Variants in MRC1 observed in about 807,000 individuals in gnomAD.
MRC1 encodes macrophage mannose receptor 1.
Under a neutral mutation model 102.9 loss-of-function variants are expected in MRC1, and 62 were observed. That is an observed-to-expected ratio of 0.60 (90% CI 0.49 to 0.74). The LOEUF is 0.74. MRC1 is among the 30% of genes least tolerant of loss of function. MRC1 has a pLI of 0.00. For missense variants in MRC1, 1,237 were observed against 862.8 expected, an observed-to-expected ratio of 1.43 and a Z score of -5.43; for synonymous variants, 457 against 298.4, an observed-to-expected ratio of 1.53 and a Z score of -5.48.
intron 17 of MRC1, among the ~76,000 whole-genome samples, chr10:17,877,243 A>G (rs1833449189): frequency 6.7e-6 from 1 of 148,282 alleles, no homozygotes. Context: ...TATAAATTAT[A>G]ATATATATGT....
intron 24 of MRC1, among the ~76,000 whole-genome samples, chr10:17,899,559 A>G (rs1833800975): frequency 6.6e-6 from 1 of 152,122 alleles, no homozygotes; most frequent in South Asian, 2.1e-4. Context: ...CATACTTCTA[A>G]TTTTTGTCAC....
intron 17 of MRC1, among the ~76,000 whole-genome samples, chr10:17,877,518 CT>C (rs1300770930): frequency 4.6e-5 from 7 of 150,900 alleles, no homozygotes; most frequent in Non-Finnish European, 1.0e-4. Context: ...ACTGATTATT[CT>C]TTTTTATATA....
chr10:17,887,853 T>G (rs1833622007), intron 22 of MRC1, among the ~76,000 whole-genome samples: 1 of 152,188 alleles, frequency 6.6e-6, no homozygotes, highest in African/African-American at 2.4e-5. Flanking sequence ...GCCCGGCTGG[T>G]GTGCAATGGT....
chr10:17,896,000 A>G (rs1833749833), intron 23 of MRC1, among the ~76,000 whole-genome samples: 1 of 152,226 alleles, frequency 6.6e-6, no homozygotes, highest in Non-Finnish European at 1.5e-5. Context: ...CTGCCACAGC[A>G]GTGGTGGGTG....
chr10:17,827,106 A>T (rs913898666), intron 2 of MRC1, among the ~76,000 whole-genome samples: 1 of 152,110 alleles, frequency 6.6e-6, no homozygotes, highest in South Asian at 2.1e-4. Context: ...TAGAGGAAGG[A>T]GGAAAAGACA....
chr10:17,908,017 G>A (rs1833919034), intron 28 of MRC1, among the ~76,000 whole-genome samples: 1 of 152,206 alleles, frequency 6.6e-6, no homozygotes, highest in Non-Finnish European at 1.5e-5. Flanking sequence ...GGAAAAGGTG[G>A]TAAAGCCAGT....
At chr10:17,825,013 A>C (rs943349954) in intron 2 of MRC1, among the ~76,000 whole-genome samples, 2 of 152,082 alleles carry the variant, frequency 1.3e-5, no homozygotes, top group Non-Finnish European at 2.9e-5. Context: ...AATCTATTCA[A>C]TGATTTCTAT....
At chr10:17,846,805 C>T (rs1218612397) in intron 6 of MRC1, among the ~76,000 whole-genome samples, 1 of 152,138 alleles carries the variant, frequency 6.6e-6, no homozygotes, top group Non-Finnish European at 1.5e-5. Context: ...AGAGACAGCA[C>T]ATATATTTTT....
At chr10:17,820,218 CAT>C (rs1554838177) in intron 1 of MRC1, among the ~76,000 whole-genome samples, 6 of 152,134 alleles carry the variant, frequency 3.9e-5, no homozygotes, top group Non-Finnish European at 1.5e-5. Context: ...CACGTTGACA[CAT>C]AAAATTAACC....
intron 14 of MRC1, among the ~76,000 whole-genome samples, chr10:17,871,335 T>A (rs1470455637): frequency 6.6e-6 from 1 of 152,136 alleles, no homozygotes; most frequent in African/African-American, 2.4e-5. Flanking sequence ...TTGAGTGAGG[T>A]GGTTTATTTG....
chr10:17,886,283 T>TCTTC (rs537058208), intron 22 of MRC1, among the ~76,000 whole-genome samples: 13,353 of 144,808 alleles, frequency 0.092, 1,172 homozygotes, highest in African/African-American at 0.23. Flanking sequence ...ATGGGTGTTT[T>TCTTC]CTTCCTTCCT....
intron 8 of MRC1, chr10:17,854,766 GC>G: frequency 4.7e-6 from 1 of 211,614 alleles, no homozygotes; most frequent in Non-Finnish European, 9.8e-6. Flanking sequence ...TTGGCTCAAT[GC>G]AACCTCTGCC....
intron 8 of MRC1, among the ~76,000 whole-genome samples, chr10:17,854,041 C>T (rs1425080563): frequency 1.3e-5 from 2 of 152,134 alleles, no homozygotes; most frequent in African/African-American, 4.8e-5. Flanking sequence ...AATCTCAGCT[C>T]ATTGCAGTCT....
At position 17,881,091 on chromosome 10, in the gene MRC1, G is replaced by A. The variant is rs1019459496; in HGVS notation, c.2890G>A (p.Glu964Lys). Residue 964 changes from glutamate (E) to lysine (K), a missense_variant, in exon 21 of 30, where the codon GAA becomes AAA. By Grantham distance (56) the Glu-to-Lys change is moderately conservative. Coordinates refer to ENST00000569591, the MANE Select transcript of MRC1 (RefSeq NM_002438.4). ...NKCFKIFGFM[E>K]EERKNWQEAR... is the part of the protein sequence containing the mutation. ...GTGTTTCAAAATCTTTGGATTTATG[G>A]AAGAAGAAAGAAAAAATTGGCAAGA... 1.3e-6 allele frequency: 1 copy of A among 780,656 alleles called. No individual in the cohort carries two copies. 48.4% of individuals were successfully genotyped at this position (780,656 alleles called of 1,614,324 possible).
chr10:17,885,389 G>A lies in MRC1; in HGVS notation c.3101G>A (p.Gly1034Glu). The change falls in exon 22 of 30, where the codon GGG (glycine) becomes GAG (glutamate). Residue 1034 changes from glycine (G) to glutamate (E), a missense_variant. Gly to Glu is a moderately conservative substitution (Grantham distance 98, BLOSUM62 -2). Coordinates refer to ENST00000569591, the MANE Select transcript of MRC1 (RefSeq NM_002438.4). ...DGRGVHYTNW[G>E]KGYPGGRRSS... Reference sequence around the variant, plus strand: ...CGAGGAGTCCATTACACAAACTGGGGGAAAGGTTACCCTGGTGGAAGAAGA... The same window carrying A: ...CGAGGAGTCCATTACACAAACTGGGAGAAAGGTTACCCTGGTGGAAGAAGA... 1.3e-6 allele frequency: 1 copy of A among 780,808 alleles called. No individual in the cohort carries two copies. Among genetic ancestry groups the A allele is most frequent in the East Asian group, 2.4e-5 (1 of 41,254 alleles). 48.4% of individuals were successfully genotyped at this position (780,808 alleles called of 1,614,324 possible).
chr10:17,836,612 A>T (rs1457148093), intron 4 of MRC1, among the ~76,000 whole-genome samples: 1 of 152,238 alleles, frequency 6.6e-6, no homozygotes, highest in African/African-American at 2.4e-5. Context: ...AGGTGGGTGG[A>T]TCACCTGAGG....
chr10:17,827,502 ATCAC>A (rs2130600127), intron 2 of MRC1, 36 bp from the exon 3 acceptor site: 2 of 779,878 alleles, frequency 2.6e-6, no homozygotes, highest in Non-Finnish European at 4.8e-6. Flanking sequence ...GTTCAGAAAT[ATCAC>A]TCACATTCCA....
chr10:17,878,275 T>G (rs1367023424), intron 18 of MRC1, among the ~76,000 whole-genome samples: 1 of 152,220 alleles, frequency 6.6e-6, no homozygotes, highest in Non-Finnish European at 1.5e-5. Context: ...ATACAAATAC[T>G]GAATTTATTT....
intron 22 of MRC1, 94 bp downstream of exon 22, chr10:17,885,529 A>T: frequency 1.3e-6 from 1 of 742,256 alleles, no homozygotes; most frequent in Non-Finnish European, 2.5e-6. Flanking sequence ...AATCTACCAG[A>T]ATACTCCTTG....
Sources: allele counts gnomAD v4.1 joint callset (sites outside exome capture counted in the v4.1 genomes callset), GRCh38; gene constraint gnomAD v4.1.1; transcripts MANE v1.5; gene names NCBI Gene and HGNC (gene_info 2026-07-23, HGNC 2026-07-21).